The following FLI1 variants were observed in gnomAD, a reference collection of about 807,000 sequenced individuals.
FLI1 encodes Friend leukemia integration 1 transcription factor.
FLI1 carries 13 observed loss-of-function variants against 53.1 expected under a neutral mutation model. The observed-to-expected ratio is 0.24, with a 90% CI of 0.16 to 0.39. FLI1 has a LOEUF of 0.39. Ranked by LOEUF, FLI1 falls within the 10% of genes least tolerant of loss-of-function variation. The pLI is 1.00. For missense variants in FLI1, 424 were observed against 600.5 expected, an observed-to-expected ratio of 0.71 and a Z score of 3.07; for synonymous variants, 244 against 236.7, an observed-to-expected ratio of 1.03 and a Z score of -0.28.
upstream of FLI1, chr11:128,694,014 G>T (rs1014428809): frequency 6.3e-5 from 16 of 254,104 alleles, no homozygotes; most frequent in East Asian, 1.3e-4. Flanking sequence ...TCCCCGATTC[G>T]CAAAGTGAAG....
chr11:128,742,049 CTT>C (rs35487738), intron 1 of FLI1, among the ~76,000 whole-genome samples: 2,807 of 152,304 alleles, frequency 0.018, 92 homozygotes, highest in African/African-American at 0.063. Context: ...AATTCAGACT[CTT>C]TTCTCCTTTC....
chr11:128,768,538 A>G, intron 3 of FLI1: 1 of 433,822 alleles, frequency 2.3e-6, no homozygotes, highest in Non-Finnish European at 4.3e-6. Context: ...AAAATACAAA[A>G]ATTAGCCAGG....
intron 3 of FLI1, among the ~76,000 whole-genome samples, chr11:128,769,505 G>A (rs186317589): frequency 2.0e-4 from 30 of 152,294 alleles, no homozygotes; most frequent in African/African-American, 6.0e-4. Context: ...GCCTTGGCCC[G>A]TGGTGTTTGT....
intron 1 of FLI1, among the ~76,000 whole-genome samples, chr11:128,739,181 G>A (rs897670390): frequency 2.0e-5 from 3 of 152,066 alleles, no homozygotes; most frequent in Non-Finnish European, 2.9e-5. Flanking sequence ...ACTCCTCCCC[G>A]GGGCTTCAGC....
chr11:128,779,428 T>C (rs1173607792), intron 4 of FLI1, among the ~76,000 whole-genome samples: 2 of 152,204 alleles, frequency 1.3e-5, no homozygotes, highest in African/African-American at 4.8e-5. Context: ...GATTATTTCT[T>C]ATTGCAGCAG....
chr11:128,765,774 G>C (rs1941317682), intron 2 of FLI1, among the ~76,000 whole-genome samples: 1 of 152,226 alleles, frequency 6.6e-6, no homozygotes, highest in African/African-American at 2.4e-5. Flanking sequence ...GCGTGAGTGT[G>C]TGTGTATGCA....
intron 1 of FLI1, among the ~76,000 whole-genome samples, chr11:128,742,786 A>C (rs1940196212): frequency 6.6e-6 from 1 of 152,176 alleles, no homozygotes; most frequent in Non-Finnish European, 1.5e-5. Context: ...CTTGATCCTG[A>C]TTTTATTTTA....
At chr11:128,693,883 G>T (rs867247972), upstream of FLI1, 10 of 120,290 alleles carry the variant, frequency 8.3e-5, no homozygotes, top group Admixed American at 2.2e-4. Context: ...AGGGGGTGTG[G>T]GGGGGGAGGG....
chr11:128,773,386 A>C lies in FLI1; in HGVS notation c.589+401A>C, dbSNP rs140528209. 5.3e-3 allele frequency among the ~76,000 whole-genome samples: 808 copies of C among 152,166 alleles called. 9 individuals are homozygous for C. Among genetic ancestry groups the C allele is most frequent in the African/African-American group, 0.018 (766 of 41,488 alleles). ...CTCTAGATTCAAGGCTTTTGGATTT[A>C]AGGTGTTGAAAATAATTTACATATT... is the stretch of plus-strand genomic sequence containing the variant. On this transcript the variant is annotated intron_variant, in intron 4 of 8. Transcript: ENST00000527786.
Position 128,768,109 on chromosome 11 carries a change from T to G in FLI1, c.231-9T>G. ...GACCGCCTCTGGGCTTTGTCTCTTCTCACTTTAGGGAGTCTCCGGTGGACT... is the reference window on the plus strand; with the variant it reads ...GACCGCCTCTGGGCTTTGTCTCTTCGCACTTTAGGGAGTCTCCGGTGGACT... On this transcript the variant is annotated splice_polypyrimidine_tract_variant and intron_variant, in intron 2 of 8. Coordinates refer to ENST00000527786, the MANE Select transcript of FLI1 (RefSeq NM_002017.5). The G allele has an allele frequency of 6.2e-7, 1 of 1,604,272 alleles. No individual in the cohort carries two copies.
intron 4 of FLI1, among the ~76,000 whole-genome samples, chr11:128,773,189 G>A (rs983147272): frequency 6.6e-6 from 1 of 152,176 alleles, no homozygotes; most frequent in African/African-American, 2.4e-5. Context: ...GAAGTAAGAC[G>A]AGAAATGGAG....
At chr11:128,723,305 C>T (rs1939332930) in intron 1 of FLI1, among the ~76,000 whole-genome samples, 1 of 152,046 alleles carries the variant, frequency 6.6e-6, no homozygotes, top group Non-Finnish European at 1.5e-5. Flanking sequence ...ATGGAAGCTC[C>T]CTGTGGGCTT....
intron 1 of FLI1, among the ~76,000 whole-genome samples, chr11:128,707,054 G>T (rs1334333252): frequency 2.6e-5 from 4 of 152,194 alleles, no homozygotes; most frequent in East Asian, 3.8e-4. Flanking sequence ...AGACTGTGAG[G>T]GGGTTATGGG....
chr11:128,755,866 C>T (rs1241866696), intron 1 of FLI1, among the ~76,000 whole-genome samples: 2 of 152,218 alleles, frequency 1.3e-5, no homozygotes, highest in African/African-American at 4.8e-5. Flanking sequence ...AAAAGCAGGA[C>T]TCCTAGAGTA....
intron 3 of FLI1, 23 bp downstream of exon 3, chr11:128,768,295 T>G (rs1485368962): frequency 6.3e-7 from 1 of 1,598,798 alleles, no homozygotes; most frequent in South Asian, 1.1e-5. Flanking sequence ...CCAGGCTGCC[T>G]GGGCGCCATT....
At chr11:128,695,103 C>G (rs1194215647) in intron 1 of FLI1, among the ~76,000 whole-genome samples, 4 of 152,182 alleles carry the variant, frequency 2.6e-5, no homozygotes, top group East Asian at 1.9e-4. Context: ...GAGCCGCCTC[C>G]GTTGCAGGGG....
Position 128,812,686 on chromosome 11 carries a change from C to A in FLI1, c.*1698C>A, listed in dbSNP as rs1029378586. 1.8e-5 allele frequency: 4 copies of A among 221,292 alleles called. No homozygotes were observed. The highest frequency in any genetic ancestry group is 8.9e-5 in the African/African-American group (4 of 44,816). The allele number at this position is 221,292 out of a possible 1,614,324, so 13.7% of individuals were successfully genotyped here. ...ATAAACCTGTATGTAAGGACTGGAG[C>A]AAAGCGAGCTGGTCTATCCAGACTG... On this transcript the variant is annotated 3_prime_UTR_variant, in exon 9 of 9. Coordinates refer to ENST00000527786, the MANE Select transcript of FLI1 (RefSeq NM_002017.5).
At chr11:128,773,650 C>T (rs926021745) in intron 4 of FLI1, among the ~76,000 whole-genome samples, 5 of 148,818 alleles carry the variant, frequency 3.4e-5, no homozygotes, top group Non-Finnish European at 7.4e-5. Context: ...TAGCACCAAG[C>T]GCCCATCAGT....
At chr11:128,690,161 C>T (rs1289431692), upstream of FLI1, among the ~76,000 whole-genome samples, 1 of 152,182 alleles carries the variant, frequency 6.6e-6, no homozygotes, top group Non-Finnish European at 1.5e-5. Flanking sequence ...TGGCCTCGAG[C>T]GAGAGGCCAG....
Sources: gnomAD v4.1 joint callset for allele counts (sites outside exome capture counted in the v4.1 genomes callset) on GRCh38, gnomAD v4.1.1 for gene constraint, MANE v1.5 for transcripts, NCBI Gene and HGNC (gene_info 2026-07-23, HGNC 2026-07-21) for gene names.